Variants in PSMD13 observed in about 807,000 individuals in gnomAD.
PSMD13 encodes the protein proteasome 26S subunit, non-ATPase 13, also known as 26S proteasome non-ATPase regulatory subunit 13.
Under a neutral mutation model 57.4 loss-of-function variants are expected in PSMD13, and 8 were observed. That is an observed-to-expected ratio of 0.14 (90% CI 0.08 to 0.25). PSMD13 has a LOEUF of 0.25. Ranked by LOEUF, PSMD13 falls within the 10% of genes least tolerant of loss-of-function variation. PSMD13 has a pLI of 1.00. For missense variants in PSMD13, 400 were observed against 461.5 expected, an observed-to-expected ratio of 0.87 and a Z score of 1.22; for synonymous variants, 193 against 168.2, an observed-to-expected ratio of 1.15 and a Z score of -1.14.
intron 2 of PSMD13, among the ~76,000 whole-genome samples, chr11:242,380 T>C (rs752169765): frequency 2.0e-5 from 3 of 151,508 alleles, no homozygotes; most frequent in African/African-American, 4.9e-5. Context: ...TTAGCAAACA[T>C]TTCTCTTTTT....
chr11:251,739 C>A lies in PSMD13; in HGVS notation c.919-81C>A. The A allele has an allele frequency of 6.5e-7, 1 of 1,530,144 alleles. No individual in the cohort carries two copies. Among genetic ancestry groups the A allele is most frequent in the Non-Finnish European group, 9.0e-7 (1 of 1,108,154 alleles). The allele number at this position is 1,530,144 out of a possible 1,614,324, so 94.8% of individuals were successfully genotyped here. ...CAGTAAAAAATGACGGGAGGAGCGG[C>A]ATCTGCTTCTCACAAGCCATCTGGG... On this transcript the variant is annotated intron_variant, in intron 11 of 12. Coordinates refer to ENST00000532097, the MANE Select transcript of PSMD13 (RefSeq NM_002817.4). This position sits in a 1 kb window ranked among gnomAD's most constrained non-coding sequence, Gnocchi z 4.6.
At chr11:242,346 C>A (rs1859532807) in intron 2 of PSMD13, among the ~76,000 whole-genome samples, 1 of 150,494 alleles carries the variant, frequency 6.6e-6, no homozygotes, top group Non-Finnish European at 1.5e-5. Context: ...TAATTAAAAT[C>A]TGAAGGAACT....
chr11:244,512 G>A (rs1315306231), intron 5 of PSMD13, 43 bp downstream of exon 5: 1 of 1,570,756 alleles, frequency 6.4e-7, no homozygotes, highest in Non-Finnish European at 8.8e-7. Context: ...ACCTTTTAGA[G>A]TATGTATGAC....
Position 251,095 on chromosome 11 carries a change from A to C in PSMD13, c.837+230A>C. ...CTCCCACCCCACTGCCACCACCCTGAGGCCTTCCCTGACCATCTGAACTGA... is the reference window on the plus strand; with the variant it reads ...CTCCCACCCCACTGCCACCACCCTGCGGCCTTCCCTGACCATCTGAACTGA... On this transcript the variant is annotated intron_variant, in intron 10 of 12. Coordinates refer to ENST00000532097, the MANE Select transcript of PSMD13 (RefSeq NM_002817.4). The surrounding 1 kb of genome is among the most constrained non-coding windows in gnomAD (Gnocchi z 4.6). 1.9e-6 allele frequency: 1 copy of C among 540,192 alleles called. No individual in the cohort carries two copies. The highest frequency in any genetic ancestry group is 2.2e-5 in the South Asian group (1 of 45,550). 33.5% of individuals were successfully genotyped at this position (540,192 alleles called of 1,614,324 possible). A position where few individuals can be genotyped will look rare whatever the true frequency, so the allele number is the denominator to read the frequency against.
intron 7 of PSMD13, chr11:247,766 G>A: frequency 4.9e-6 from 1 of 202,600 alleles, no homozygotes; most frequent in Non-Finnish European, 1.0e-5. Context: ...TCGGGAGGTG[G>A]AGGTTGCAGT....
At chr11:244,363 G>T in intron 4 of PSMD13, 63 bp from the exon 5 acceptor site, 1 of 1,590,708 alleles carries the variant, frequency 6.3e-7, no homozygotes, top group Non-Finnish European at 8.6e-7. Flanking sequence ...CCCTACCTAA[G>T]GGTGTCTTGG....
In PSMD13 at chr11:239,084, A is replaced by C. The variant is rs1343467763; in HGVS notation, c.174+8A>C. The C allele has an allele frequency of 1.2e-6, 2 of 1,608,330 alleles. No homozygotes were observed. The highest frequency in any genetic ancestry group is 3.3e-5 in the Admixed American group (2 of 60,000). On this transcript the variant is annotated splice_region_variant and intron_variant, in intron 2 of 12. Transcript: ENST00000532097. ...GGAGATGGTCTCATTAAGGTAAATA[A>C]TTTGCTATACCAGATTAGATTATAT... is the stretch of plus-strand genomic sequence containing the variant.
intron 2 of PSMD13, chr11:243,633 C>T (rs922005320): frequency 5.9e-5 from 22 of 370,528 alleles, no homozygotes; most frequent in African/African-American, 1.9e-4. Flanking sequence ...CACACGGCAG[C>T]GCAGGCCATC....
chr11:238,626 G>T (rs1859443581), intron 1 of PSMD13, among the ~76,000 whole-genome samples: 1 of 152,150 alleles, frequency 6.6e-6, no homozygotes, highest in Non-Finnish European at 1.5e-5. Context: ...AGCCGAGATG[G>T]CGCCACTGCA....
In PSMD13 at chr11:243,568, A is replaced by C. The variant is rs757185112; in HGVS notation, c.175-473A>C. 3.3e-5 allele frequency: 12 copies of C among 359,894 alleles called. 1 individual carries two copies. The highest frequency in any genetic ancestry group is 1.9e-4 in the African/African-American group (9 of 46,458). 22.3% of individuals were successfully genotyped at this position (359,894 alleles called of 1,614,324 possible). A position where few individuals can be genotyped will look rare whatever the true frequency, so the allele number is the denominator to read the frequency against. ...ACCTTCCTTCCACAGTGGTCTTCTT[A>C]TTATTTAAATAAGCAGGATAGATAC... On this transcript the variant is annotated intron_variant, in intron 2 of 12. Transcript: ENST00000532097.
At position 251,604 on chromosome 11, in the gene PSMD13, G is replaced by C. The variant is rs536453450; in HGVS notation, c.896G>C (p.Ser299Thr). The change falls in exon 11 of 13, where the codon AGT becomes ACT. Residue 299 changes from serine to threonine, a missense_variant. Physicochemically the swap from Ser to Thr is moderately conservative, Grantham distance 58. Coordinates refer to ENST00000532097, the MANE Select transcript of PSMD13 (RefSeq NM_002817.4). This position sits in a 1 kb window ranked among gnomAD's most constrained non-coding sequence, Gnocchi z 4.6. The stretch of plus-strand genomic sequence containing the variant: ...CTCACTTTTGAAGAAATTGCCAAAA[G>C]TGCTAAAATCACAGTGAATGAGGTA... ...RQLTFEEIAK[S>T]AKITVNEVEL... 8 of 1,614,030 alleles carry C rather than the reference G, an allele frequency of 5.0e-6. No homozygotes were observed. The Admixed American group carries it at 1.3e-4, about 27-fold the overall frequency.
rs1236450110 is a variant in PSMD13, at chr11:251,651, T to C, written c.918+25T>C. On this transcript the variant is annotated intron_variant, in intron 11 of 12. Transcript: ENST00000532097. This position sits in a 1 kb window ranked among gnomAD's most constrained non-coding sequence, Gnocchi z 4.6. ...GGTACGGTCCCTAGGCTCAGGGTGT[T>C]AGAGCAGCAAAGCTGCCACATGGAG... 2 of 1,598,908 alleles carry C rather than the reference T, an allele frequency of 1.3e-6. No homozygotes were observed. The highest frequency in any genetic ancestry group is 1.7e-5 in the Admixed American group (1 of 59,548).
intron 9 of PSMD13, 40 bp downstream of exon 9, chr11:249,097 A>G (rs498217): frequency 0.076 from 122,032 of 1,603,710 alleles, 5,074 homozygotes; most frequent in African/African-American, 0.11. Flanking sequence ...TCCCCCATGT[A>G]TCTACTCGCT....
chr11:243,540 T>A (rs1310320332), intron 2 of PSMD13: 4 of 343,334 alleles, frequency 1.2e-5, no homozygotes, highest in Non-Finnish European at 2.3e-5. Flanking sequence ...ACTTATGGGA[T>A]TCACCTTCCT....
rs1472245967 is a variant in PSMD13, at chr11:237,161, C to CGGGTCCT, written c.95+20_95+21insTCCTGGG. 17 of 1,603,812 alleles carry CGGGTCCT rather than the reference C, an allele frequency of 1.1e-5. No individual in the cohort carries two copies. The highest frequency in any genetic ancestry group is 1.4e-5 in the Non-Finnish European group (17 of 1,174,086). On this transcript the variant is annotated intron_variant, in intron 1 of 12. Coordinates refer to ENST00000532097, the MANE Select transcript of PSMD13 (RefSeq NM_002817.4). ...CACGAAGAAGTGAGCGCCGAGCAGA[C>CGGGTCCT]GGGCCCTGGGCCCCGGCGATAGAGG...
Position 252,688 on chromosome 11 carries a change from T to C in PSMD13, c.*88T>C, listed in dbSNP as rs984384485. ...AAGCTGGCTGCTCAGACGGTCGACA[T>C]TGAATTTGGGTGGGGGTTGGGATCC... On this transcript the variant is annotated 3_prime_UTR_variant, in exon 13 of 13. Coordinates refer to ENST00000532097, the MANE Select transcript of PSMD13 (RefSeq NM_002817.4). The surrounding 1 kb of genome is among the most constrained non-coding windows in gnomAD (Gnocchi z 4.1). 3.1e-6 allele frequency: 4 copies of C among 1,276,810 alleles called. No homozygotes were observed. Among genetic ancestry groups the C allele is most frequent in the African/African-American group, 2.9e-5 (2 of 67,834 alleles). 79.1% of individuals were successfully genotyped at this position (1,276,810 alleles called of 1,614,324 possible). A position where few individuals can be genotyped will look rare whatever the true frequency, so the allele number is the denominator to read the frequency against.
Position 252,126 on chromosome 11 carries a change from G to A in PSMD13, c.1035+190G>A, listed in dbSNP as rs1859775693. On this transcript the variant is annotated intron_variant, in intron 12 of 12. Coordinates refer to ENST00000532097, the MANE Select transcript of PSMD13 (RefSeq NM_002817.4). This position sits in a 1 kb window ranked among gnomAD's most constrained non-coding sequence, Gnocchi z 4.1. ...AATGCAAGCCTAGGGTTTGAACCCT[G>A]CATTTAAAAGCTTATGATGACAATG... The A allele has an allele frequency of 3.5e-6, 2 of 569,478 alleles. No individual in the cohort carries two copies. Among genetic ancestry groups the A allele is most frequent in the East Asian group, 3.0e-5 (1 of 32,970 alleles). 35.3% of individuals were successfully genotyped at this position (569,478 alleles called of 1,614,324 possible). A position where few individuals can be genotyped will look rare whatever the true frequency, so the allele number is the denominator to read the frequency against.
At chr11:239,161 T>C in intron 2 of PSMD13, 85 bp downstream of exon 2, 1 of 1,249,624 alleles carries the variant, frequency 8.0e-7, no homozygotes, top group African/African-American at 1.5e-5. Flanking sequence ...CTAATAATAA[T>C]AATAAGCTCC....
rs545088868 is a variant in PSMD13 at position 236,979 on chromosome 11, C to T, written c.-71C>T. On this transcript the variant is annotated 5_prime_UTR_variant, in exon 1 of 13. Coordinates refer to ENST00000532097, the MANE Select transcript of PSMD13 (RefSeq NM_002817.4). ...CCGCTCGGCGCCGGAAGTGAGTGAG[C>T]ATTTCCGGCAGCCATCCCCGCGGTG... 9 of 1,333,290 alleles carry T rather than the reference C, an allele frequency of 6.8e-6. No homozygotes were observed. Among genetic ancestry groups the T allele is most frequent in the East Asian group, 4.7e-5 (2 of 42,662 alleles). 82.6% of individuals were successfully genotyped at this position (1,333,290 alleles called of 1,614,324 possible).
Sources: allele counts gnomAD v4.1 joint callset (sites outside exome capture counted in the v4.1 genomes callset), GRCh38; gene constraint gnomAD v4.1.1; non-coding constraint Gnocchi (gnomAD v3.1); transcripts MANE v1.5; gene names NCBI Gene and HGNC (gene_info 2026-07-23, HGNC 2026-07-21).